Variants in ZNF729 observed in about 807,000 individuals in gnomAD.
The protein encoded by ZNF729 is zinc finger protein 729.
ZNF729 carries 15 observed loss-of-function variants against 12.2 expected under a neutral mutation model. That is an observed-to-expected ratio of 1.23 (90% CI 0.82 to 1.89). ZNF729 has a LOEUF of 1.89. Ranked by LOEUF, ZNF729 falls within the 40% of genes most tolerant of loss-of-function variation. The probability of loss-of-function intolerance (pLI) is 0.00; values close to 1 mark genes in which losing one functional copy is unlikely to be tolerated. For missense variants in ZNF729, 1,540 were observed against 1,456.7 expected, an observed-to-expected ratio of 1.06 and a Z score of -0.93; for synonymous variants, 492 against 476.3, an observed-to-expected ratio of 1.03 and a Z score of -0.43.
intron 3 of ZNF729, 41 bp downstream of exon 3, chr19:22,304,824 TC>T: frequency 1.3e-6 from 2 of 1,588,118 alleles, no homozygotes; most frequent in Non-Finnish European, 8.6e-7. Flanking sequence ...AGATAAGAGG[TC>T]CAGAGGTCAA....
intron 1 of ZNF729, among the ~76,000 whole-genome samples, chr19:22,292,073 A>G (rs938498850): frequency 2.6e-5 from 4 of 152,098 alleles, no homozygotes; most frequent in African/African-American, 9.7e-5. Flanking sequence ...ATTCAGGGGT[A>G]CATGTGCAGG....
intron 1 of ZNF729, among the ~76,000 whole-genome samples, chr19:22,288,653 T>C (rs1267024837): frequency 1.3e-5 from 2 of 152,112 alleles, no homozygotes; most frequent in African/African-American, 2.4e-5. Context: ...GACATTAAGA[T>C]TGTCTTCACC....
intron 2 of ZNF729, 40 bp downstream of exon 2, chr19:22,303,924 A>T: frequency 6.6e-7 from 1 of 1,512,002 alleles, no homozygotes; most frequent in Non-Finnish European, 8.9e-7. Context: ...ATTATATTCT[A>T]TAGGTTTAAT....
At chr19:22,303,607 G>A in intron 1 of ZNF729, 151 bp from the exon 2 acceptor site, 2 of 645,584 alleles carry the variant, frequency 3.1e-6, no homozygotes, top group South Asian at 2.3e-5. Flanking sequence ...TAATATTTCT[G>A]TGTTGAAAAT....
At chr19:22,306,776 C>A (rs530192316) in intron 3 of ZNF729, among the ~76,000 whole-genome samples, 1 of 151,084 alleles carries the variant, frequency 6.6e-6, no homozygotes, top group African/African-American at 2.4e-5. Flanking sequence ...CAGATTTATG[C>A]AGATTTACAT....
intron 1 of ZNF729, among the ~76,000 whole-genome samples, chr19:22,294,803 C>T (rs1358664082): frequency 6.6e-6 from 1 of 151,534 alleles, no homozygotes; most frequent in East Asian, 1.9e-4. Flanking sequence ...ATTACAGGTG[C>T]CTACCACCAT....
chr19:22,312,136 T>C (rs546432994), intron 3 of ZNF729, among the ~76,000 whole-genome samples: 3 of 152,308 alleles, frequency 2.0e-5, no homozygotes, highest in South Asian at 2.1e-4. Flanking sequence ...TTTTTTATAG[T>C]GATCTGTGTT....
chr19:22,316,384 G>A lies in ZNF729; in HGVS notation c.2967G>A (p.Glu989=). ...LTRHKAIHTG[E]KPYKCEECGK... The stretch of plus-strand genomic sequence containing the variant: ...GACATAAAGCAATTCATACTGGGGA[G>A]AAACCCTACAAATGCGAAGAATGTG... The change falls in exon 4 of 4, where the codon GAG becomes GAA. Residue 989 remains glutamate, a synonymous_variant. Coordinates refer to ENST00000601693, the MANE Select transcript of ZNF729 (RefSeq NM_001242680.2). 1.9e-6 allele frequency: 3 copies of A among 1,613,684 alleles called. No homozygotes were observed. In the South Asian group the frequency reaches 3.3e-5, roughly 18 times the overall value.
chr19:22,287,650 T>G (rs535758003), intron 1 of ZNF729, among the ~76,000 whole-genome samples: 1 of 151,388 alleles, frequency 6.6e-6, no homozygotes, highest in East Asian at 1.9e-4. Context: ...CTTAATTATT[T>G]TCACACTCCT....
Position 22,313,651 on chromosome 19 carries a change from G to A in ZNF729, c.254-20G>A. 4.2e-6 allele frequency: 6 copies of A among 1,435,524 alleles called. No individual in the cohort carries two copies. The highest frequency in any genetic ancestry group is 5.5e-6 in the Non-Finnish European group (6 of 1,099,256). The allele number at this position is 1,435,524 out of a possible 1,614,324, so 88.9% of individuals were successfully genotyped here. On this transcript the variant is annotated intron_variant, in intron 3 of 3. Coordinates refer to ENST00000601693, the MANE Select transcript of ZNF729 (RefSeq NM_001242680.2). ...CTGAGTCTAGCAAGTGGAATAATTT[G>A]TTATTTTTATTTCTTCTAGTTATGC...
rs1968374394 is a variant in ZNF729 at position 22,306,141 on chromosome 19, TAAAG to T, written c.253+1362_253+1365del. Among the ~76,000 whole-genome samples the T allele has an allele frequency of 3.3e-5, 5 of 152,202 alleles. No homozygotes were observed. In the South Asian group the frequency reaches 8.3e-4, roughly 25 times the overall value. ...AAAATTTATATTTAAAATGATTTCT[TAAAG>T]AAATAAAGTTTTGCACTGGGCACAG... On this transcript the variant is annotated intron_variant, in intron 3 of 3. Coordinates refer to ENST00000601693, the MANE Select transcript of ZNF729 (RefSeq NM_001242680.2).
rs757441653 is a variant in ZNF729, at chr19:22,286,491, C to CTGTA, written c.-34_-31dup. ...CTGTGTGTCCTCAGCCTCTGTGGCCCTGTAACCTGCGGCATTGGAAGATCC... is the reference window on the plus strand; with the variant it reads ...CTGTGTGTCCTCAGCCTCTGTGGCCCTGTATGTAACCTGCGGCATTGGAAGATCC... On this transcript the variant is annotated 5_prime_UTR_variant, in exon 1 of 4. It adds an upstream start codon to the 5' untranslated region. Transcript: ENST00000601693. 2.9e-5 allele frequency: 46 copies of CTGTA among 1,612,750 alleles called. No individual in the cohort carries two copies. The East Asian group carries it at 9.8e-4, about 34-fold the overall frequency.
chr19:22,294,628 T>C (rs1968199781), intron 1 of ZNF729, among the ~76,000 whole-genome samples: 1 of 151,366 alleles, frequency 6.6e-6, no homozygotes, highest in South Asian at 2.1e-4. Context: ...ATTTGTGTTA[T>C]CTCGGACTTT....
intron 1 of ZNF729, among the ~76,000 whole-genome samples, chr19:22,296,487 A>G (rs2145044641): frequency 8.0e-6 from 1 of 125,012 alleles, no homozygotes; most frequent in African/African-American, 2.8e-5. Context: ...TTTGTCATTA[A>G]CTGTTTATTT....
At position 22,294,279 on chromosome 19, in the gene ZNF729, G is replaced by A. The variant is rs1281135122; in HGVS notation, c.30+7724G>A. On this transcript the variant is annotated intron_variant, in intron 1 of 3. Coordinates refer to ENST00000601693, the MANE Select transcript of ZNF729 (RefSeq NM_001242680.2). ...TGTCAAAGATCAGTTGGTTATAGGCGTGTGGCATTATTTCTGGGCTCTCTA... is the reference window on the plus strand; with the variant it reads ...TGTCAAAGATCAGTTGGTTATAGGCATGTGGCATTATTTCTGGGCTCTCTA... Among the ~76,000 whole-genome samples, 8 of 152,184 alleles carry A rather than the reference G, an allele frequency of 5.3e-5. No individual in the cohort carries two copies. In the East Asian group the frequency reaches 1.2e-3, roughly 22 times the overall value.
At chr19:22,295,906 C>T (rs928921681) in intron 1 of ZNF729, among the ~76,000 whole-genome samples, 1 of 151,976 alleles carries the variant, frequency 6.6e-6, no homozygotes, top group African/African-American at 2.4e-5. Context: ...ATCTTTAATT[C>T]TCTTTATGTG....
Position 22,316,503 on chromosome 19 carries a change from T to G in ZNF729, c.3086T>G (p.Phe1029Cys). The change falls in exon 4 of 4, where the codon TTT (phenylalanine) becomes TGT (cysteine). Residue 1029 changes from phenylalanine (F) to cysteine (C), a missense_variant. By Grantham distance (205) the Phe-to-Cys change is radical (BLOSUM62 -2). Coordinates refer to ENST00000601693, the MANE Select transcript of ZNF729 (RefSeq NM_001242680.2). ...AAATGTGAAGAATGTGTCAAAGCTT[T>G]TAACAATTTCTCAGCCCTTATGAAA... is the stretch of plus-strand genomic sequence containing the variant. ...LYKCEECVKA[F>C]NNFSALMKHK... is the part of the protein sequence containing the mutation. 6.2e-7 allele frequency: 1 copy of G among 1,613,710 alleles called. No individual in the cohort carries two copies. Among genetic ancestry groups the G allele is most frequent in the East Asian group, 2.2e-5 (1 of 44,834 alleles).
At chr19:22,290,423 C>G (rs1472353734) in intron 1 of ZNF729, among the ~76,000 whole-genome samples, 2 of 152,070 alleles carry the variant, frequency 1.3e-5, no homozygotes, top group African/African-American at 4.8e-5. Context: ...AAGAGTATTG[C>G]AAGAGGACGA....
intron 2 of ZNF729, among the ~76,000 whole-genome samples, chr19:22,304,413 C>G (rs529559427): frequency 6.6e-6 from 1 of 152,204 alleles, no homozygotes; most frequent in South Asian, 2.1e-4. Flanking sequence ...ATTTTTCACT[C>G]TAGATTAGTG....
Sources: gnomAD v4.1 joint callset for allele counts (sites outside exome capture counted in the v4.1 genomes callset) on GRCh38, gnomAD v4.1.1 for gene constraint, MANE v1.5 for transcripts, NCBI Gene and HGNC (gene_info 2026-07-23, HGNC 2026-07-21) for gene names.